TNIK: variants seen among roughly 807,000 people sequenced by gnomAD.
TNIK encodes the protein TRAF2 and NCK interacting kinase.
Under a neutral mutation model 191.3 loss-of-function variants are expected in TNIK, and 49 were observed. The ratio of observed to expected loss-of-function variants is 0.26; its 90% CI spans 0.20 to 0.32. The LOEUF (loss-of-function observed/expected upper bound fraction) is 0.32. TNIK is among the 10% of genes least tolerant of loss of function. TNIK has a pLI of 1.00. For synonymous variants in TNIK, 594 were observed against 600.9 expected (o/e 0.99, Z 0.17); for missense variants, 1,155 against 1,702.3 (o/e 0.68, Z 5.66).
intron 2 of TNIK, among the ~76,000 whole-genome samples, chr3:171,339,477 T>C (rs1757300218): frequency 6.6e-6 from 1 of 152,188 alleles, no homozygotes; most frequent in Non-Finnish European, 1.5e-5. Flanking sequence ...TCAGTCCCCA[T>C]CCATGGAAGC....
At chr3:171,201,460 A>G (rs1183689233) in intron 4 of TNIK, among the ~76,000 whole-genome samples, 1 of 152,116 alleles carries the variant, frequency 6.6e-6, no homozygotes, top group South Asian at 2.1e-4. Flanking sequence ...AACTTCCAAG[A>G]ACACAATTCT....
intron 10 of TNIK, among the ~76,000 whole-genome samples, chr3:171,162,450 G>A (rs1734123212): frequency 1.3e-5 from 2 of 152,138 alleles, no homozygotes; most frequent in African/African-American, 4.8e-5. Context: ...TTTAAAAAAT[G>A]TATATCTATA....
At chr3:171,131,427 T>A (rs1729276486) in intron 15 of TNIK, among the ~76,000 whole-genome samples, 1 of 147,024 alleles carries the variant, frequency 6.8e-6, no homozygotes, top group Non-Finnish European at 1.5e-5. Context: ...AATGAATGGA[T>A]TTGATTAGTC....
intron 15 of TNIK, among the ~76,000 whole-genome samples, chr3:171,129,880 C>A (rs1729012534): frequency 6.6e-6 from 1 of 152,204 alleles, no homozygotes; most frequent in South Asian, 2.1e-4. Context: ...AGATCTTAGA[C>A]AACTTCAAGA....
chr3:171,194,442 C>T, intron 5 of TNIK, 83 bp downstream of exon 5: 1 of 1,231,268 alleles, frequency 8.1e-7, no homozygotes. Context: ...ACTAGAAAGT[C>T]AGAAAAAAAT....
At chr3:171,404,384 T>C (rs538130218) in intron 1 of TNIK, among the ~76,000 whole-genome samples, 1 of 152,294 alleles carries the variant, frequency 6.6e-6, no homozygotes, top group African/African-American at 2.4e-5. Context: ...TTAACATTTG[T>C]CAATTTTTTT....
At chr3:171,353,057 T>C (rs879222758) in intron 2 of TNIK, among the ~76,000 whole-genome samples, 1 of 152,232 alleles carries the variant, frequency 6.6e-6, no homozygotes, top group Admixed American at 6.5e-5. Context: ...GTGAGCAGAA[T>C]AATTCTTTTC....
At chr3:171,405,663 C>T (rs1176203696) in intron 1 of TNIK, among the ~76,000 whole-genome samples, 1 of 152,118 alleles carries the variant, frequency 6.6e-6, no homozygotes, top group Non-Finnish European at 1.5e-5. Flanking sequence ...ATGCTTATGA[C>T]CAATAGCCAA....
chr3:171,096,653 C>T (rs953009007), intron 22 of TNIK, among the ~76,000 whole-genome samples: 10 of 152,062 alleles, frequency 6.6e-5, no homozygotes, highest in African/African-American at 2.2e-4. Context: ...CTTTAAGCCT[C>T]ACTGGAATGG....
intron 1 of TNIK, among the ~76,000 whole-genome samples, chr3:171,437,252 G>C (rs1577934619): frequency 1.3e-5 from 2 of 152,328 alleles, no homozygotes; most frequent in East Asian, 3.9e-4. Flanking sequence ...GTACACAGTA[G>C]AGAACGTGGG....
In TNIK at chr3:171,211,378, C is replaced by A. The variant is rs1394035764; in HGVS notation, c.181-137G>T. On this transcript the variant is annotated intron_variant, in intron 3 of 32. Coordinates refer to ENST00000436636, the MANE Select transcript of TNIK (RefSeq NM_015028.4). ...TGAGCATAATTATTACATATGAGGG[C>A]AAAGAACAATTCTAAAACATAATAC... 7.8e-6 allele frequency: 8 copies of A among 1,019,638 alleles called. No individual in the cohort carries two copies. The Admixed American group carries it at 8.0e-5, about 10-fold the overall frequency. The allele number at this position is 1,019,638 out of a possible 1,614,324, so 63.2% of individuals were successfully genotyped here.
chr3:171,134,463 G>A (rs1293104374), intron 15 of TNIK, among the ~76,000 whole-genome samples: 2 of 152,060 alleles, frequency 1.3e-5, no homozygotes, highest in Non-Finnish European at 2.9e-5. Flanking sequence ...ATTATTATCT[G>A]TAGAGACACG....
intron 4 of TNIK, among the ~76,000 whole-genome samples, chr3:171,203,861 C>T (rs138037881): frequency 0.011 from 1,640 of 152,242 alleles, 29 homozygotes; most frequent in African/African-American, 0.038. Flanking sequence ...CGTGTGAAAA[C>T]TTGATGAATA....
chr3:171,351,881 A>G (rs1221757736), intron 2 of TNIK, among the ~76,000 whole-genome samples: 2 of 152,214 alleles, frequency 1.3e-5, no homozygotes, highest in African/African-American at 4.8e-5. Context: ...CACAAAAGTT[A>G]AATGGTGCAT....
chr3:171,309,532 A>T (rs567342077), intron 2 of TNIK, among the ~76,000 whole-genome samples: 1 of 152,272 alleles, frequency 6.6e-6, no homozygotes, highest in South Asian at 2.1e-4. Context: ...ACAAACTTGC[A>T]CGTGCACCCC....
chr3:171,150,522 T>C (rs867109739), intron 12 of TNIK, among the ~76,000 whole-genome samples: 1 of 152,180 alleles, frequency 6.6e-6, no homozygotes. Flanking sequence ...ATTTAGATAT[T>C]GTTAGGAAAT....
intron 1 of TNIK, among the ~76,000 whole-genome samples, chr3:171,380,173 G>C (rs544776152): frequency 1.7e-4 from 26 of 152,050 alleles, no homozygotes; most frequent in Admixed American, 1.6e-3. Context: ...AGCTGTTTGG[G>C]AAAATGTATC....
chr3:171,242,970 A>G (rs942030265), intron 2 of TNIK, among the ~76,000 whole-genome samples: 1 of 152,244 alleles, frequency 6.6e-6, no homozygotes, highest in African/African-American at 2.4e-5. Context: ...ATCTTTGGAA[A>G]TAATAAATGC....
chr3:171,452,907 G>A (rs530911245), intron 1 of TNIK, among the ~76,000 whole-genome samples: 18 of 152,172 alleles, frequency 1.2e-4, no homozygotes, highest in Non-Finnish European at 2.1e-4. Flanking sequence ...AGTATTTCTC[G>A]TAATTGGTGC....
Sources: gnomAD v4.1 joint callset for allele counts (sites outside exome capture counted in the v4.1 genomes callset) on GRCh38, gnomAD v4.1.1 for gene constraint, MANE v1.5 for transcripts, NCBI Gene and HGNC (gene_info 2026-07-23, HGNC 2026-07-21) for gene names.